Variants in TSHZ2 observed in about 807,000 individuals in gnomAD.
TSHZ2 encodes teashirt homolog 2.
A neutral mutation model predicts 74.4 loss-of-function variants in TSHZ2; 21 were observed. The ratio of observed to expected loss-of-function variants is 0.28; its 90% CI spans 0.20 to 0.41. The LOEUF (loss-of-function observed/expected upper bound fraction) is 0.41. Among genes scored for constraint, TSHZ2 ranks in the 10% least tolerant of loss-of-function variants. The pLI is 1.00. For missense variants in TSHZ2, 1,244 were observed against 1,293.5 expected, an observed-to-expected ratio of 0.96 and a Z score of 0.59; for synonymous variants, 540 against 515.3, an observed-to-expected ratio of 1.05 and a Z score of -0.65.
At position 53,452,324 on chromosome 20, in the gene TSHZ2, G is replaced by C. The variant is rs567258815; in HGVS notation, c.*9-34820G>C. On this transcript the variant is annotated intron_variant, in intron 2 of 2. Transcript: ENST00000371497. ...ACCTACAAGAACTAGAGCAGGCCAAGCGTGGTGGCTCACGCCTGTAGTCCC... is the reference window on the plus strand; with the variant it reads ...ACCTACAAGAACTAGAGCAGGCCAACCGTGGTGGCTCACGCCTGTAGTCCC... Among the ~76,000 whole-genome samples the C allele has an allele frequency of 3.9e-5, 6 of 152,306 alleles. 1 individual carries two copies. The highest frequency in any genetic ancestry group is 1.4e-4 in the African/African-American group (6 of 41,574).
intron 1 of TSHZ2, among the ~76,000 whole-genome samples, chr20:53,188,149 T>G (rs1280882326): frequency 6.6e-6 from 1 of 152,174 alleles, no homozygotes; most frequent in Non-Finnish European, 1.5e-5. Context: ...AAAACCAAAA[T>G]GCTCCCACAA....
intron 2 of TSHZ2, among the ~76,000 whole-genome samples, chr20:53,317,630 CCAGGG>C (rs2145514503): frequency 6.6e-6 from 1 of 152,254 alleles, no homozygotes; most frequent in East Asian, 1.9e-4. Context: ...GCAGCACGTT[CCAGGG>C]CAGCAAGAAT....
Position 53,128,106 on chromosome 20 carries a change from GATACTAAAGA to G in TSHZ2, c.41-125391_41-125382del, listed in dbSNP as rs201506002. ...TTCATCTTGAGGGTGATTCCTAAAT[GATACTAAAGA>G]AAATGTACATCTTTCCTATGTGGTC... On this transcript the variant is annotated intron_variant, in intron 1 of 2. Transcript: ENST00000371497. 9.4e-3 allele frequency among the ~76,000 whole-genome samples: 1,425 copies of G among 152,248 alleles called. 26 individuals carry two copies. The highest frequency in any genetic ancestry group is 0.033 in the African/African-American group (1,374 of 41,548).
intron 2 of TSHZ2, among the ~76,000 whole-genome samples, chr20:53,298,919 T>C (rs1991430105): frequency 6.6e-6 from 1 of 152,204 alleles, no homozygotes; most frequent in Non-Finnish European, 1.5e-5. Context: ...TGGTAAAATA[T>C]GAAGTGCCTC....
At chr20:53,203,717 T>C (rs1455619655) in intron 1 of TSHZ2, among the ~76,000 whole-genome samples, 4 of 152,014 alleles carry the variant, frequency 2.6e-5, no homozygotes, top group East Asian at 1.9e-4. Flanking sequence ...ACCAGGAAAA[T>C]AAATTTTTAT....
At position 53,016,952 on chromosome 20, in the gene TSHZ2, T is replaced by C. The variant is rs531200148; in HGVS notation, c.40+43619T>C. ...CTTGCTTGTTTTCATCACTAACTGC[T>C]AAGGAGACAAGGACGTTATTCTCTA... is the stretch of plus-strand genomic sequence containing the variant. On this transcript the variant is annotated intron_variant, in intron 1 of 2. Coordinates refer to ENST00000371497, the MANE Select transcript of TSHZ2 (RefSeq NM_173485.6). Among the ~76,000 whole-genome samples, 192 of 152,212 alleles carry C rather than the reference T, an allele frequency of 1.3e-3. 1 individual carries two copies. Among genetic ancestry groups the C allele is most frequent in the African/African-American group, 4.4e-3 (181 of 41,532 alleles).
At chr20:52,996,404 TAA>T (rs1982196901) in intron 1 of TSHZ2, among the ~76,000 whole-genome samples, 1 of 151,954 alleles carries the variant, frequency 6.6e-6, no homozygotes, top group South Asian at 2.1e-4. Context: ...CTCATGATTT[TAA>T]AAAGTTTTTG....
intron 2 of TSHZ2, among the ~76,000 whole-genome samples, chr20:53,395,494 A>ATT: frequency 6.6e-6 from 1 of 152,244 alleles, no homozygotes; most frequent in Admixed American, 6.5e-5. Flanking sequence ...AGCTAGCCAA[A>ATT]TATCTTCAAT....
At chr20:53,229,909 AAAAGAG>A (rs959563718) in intron 1 of TSHZ2, among the ~76,000 whole-genome samples, 5 of 151,114 alleles carry the variant, frequency 3.3e-5, no homozygotes, top group Non-Finnish European at 5.9e-5. Flanking sequence ...GGAGGGGAAA[AAAAGAG>A]AAAGAAGAAG....
In TSHZ2 at chr20:53,185,435, G is replaced by A. The variant is rs570874301; in HGVS notation, c.41-68064G>A. The A allele has an allele frequency of 6.8e-5, 90 of 1,315,060 alleles. No homozygotes were observed. In the African/African-American group the frequency reaches 1.2e-3, roughly 17 times the overall value. 81.5% of individuals were successfully genotyped at this position (1,315,060 alleles called of 1,614,324 possible). A position where few individuals can be genotyped will look rare whatever the true frequency, so the allele number is the denominator to read the frequency against. ...CAAGCCTGTGATTCCAGCACTTTGG[G>A]AGGCCGAGGCAGGCAGATCAGATCA... is the stretch of plus-strand genomic sequence containing the variant. On this transcript the variant is annotated intron_variant, in intron 1 of 2. Transcript: ENST00000371497.
chr20:53,409,834 CTTTTTTTTTTTTTTTTT>C (rs71194475), intron 2 of TSHZ2, among the ~76,000 whole-genome samples: 4 of 49,338 alleles, frequency 8.1e-5, no homozygotes, highest in South Asian at 1.2e-3. Context: ...GTTTTCTTTT[CTTTTTTTTTTTTTTTTT>C]TTTTTTTTTT....
intron 2 of TSHZ2, among the ~76,000 whole-genome samples, chr20:53,282,174 ACT>A (rs1330947202): frequency 5.3e-5 from 8 of 152,046 alleles, no homozygotes; most frequent in Non-Finnish European, 1.2e-4. Context: ...ATAAAGGTAG[ACT>A]CTCCACCTAC....
At chr20:53,406,633 T>C (rs1982863596) in intron 2 of TSHZ2, among the ~76,000 whole-genome samples, 1 of 152,150 alleles carries the variant, frequency 6.6e-6, no homozygotes. Flanking sequence ...AAATATATCA[T>C]ATCTACCATG....
intron 2 of TSHZ2, among the ~76,000 whole-genome samples, chr20:53,366,325 A>G (rs1190228826): frequency 2.6e-5 from 4 of 152,196 alleles, no homozygotes; most frequent in Non-Finnish European, 5.9e-5. Context: ...TTTATAAGTT[A>G]TTGTCATTCT....
intron 2 of TSHZ2, among the ~76,000 whole-genome samples, chr20:53,323,648 T>G (rs1262593395): frequency 1.5e-5 from 2 of 137,044 alleles, no homozygotes; most frequent in Non-Finnish European, 3.1e-5. Flanking sequence ...CAATCTCTGG[T>G]CACTGCAACC....
At chr20:53,060,848 G>C (rs1984799058) in intron 1 of TSHZ2, among the ~76,000 whole-genome samples, 1 of 152,102 alleles carries the variant, frequency 6.6e-6, no homozygotes. Context: ...CCATATCCTG[G>C]CAGCACTCAG....
At chr20:53,452,125 G>A (rs1984812479) in intron 2 of TSHZ2, among the ~76,000 whole-genome samples, 1 of 152,234 alleles carries the variant, frequency 6.6e-6, no homozygotes, top group South Asian at 2.1e-4. Flanking sequence ...GACAGGAGCA[G>A]CTTCAGCTGC....
At chr20:53,355,561 C>A (rs1446802148) in intron 2 of TSHZ2, among the ~76,000 whole-genome samples, 1 of 152,058 alleles carries the variant, frequency 6.6e-6, no homozygotes, top group Non-Finnish European at 1.5e-5. Context: ...AAAGGCAAAT[C>A]TATAGAGATA....
At chr20:53,351,634 T>G (rs1980649632) in intron 2 of TSHZ2, among the ~76,000 whole-genome samples, 1 of 152,222 alleles carries the variant, frequency 6.6e-6, no homozygotes, top group African/African-American at 2.4e-5. Context: ...ATTCAAACAC[T>G]AACCTAGGTA....
Sources: allele counts gnomAD v4.1 joint callset (sites outside exome capture counted in the v4.1 genomes callset), GRCh38; gene constraint gnomAD v4.1.1; transcripts MANE v1.5; gene names NCBI Gene and HGNC (gene_info 2026-07-23, HGNC 2026-07-21).